Variants in ADCY8 observed in about 807,000 individuals in gnomAD.
The protein encoded by ADCY8 is adenylate cyclase type 8.
In ADCY8, 51 loss-of-function variants were observed where a neutral mutation model predicts 119.7. The observed-to-expected ratio is 0.43, with a 90% CI of 0.34 to 0.54. The LOEUF (loss-of-function observed/expected upper bound fraction) is 0.54, where lower values mean the gene tolerates loss of function less well. ADCY8 is among the 20% of genes least tolerant of loss of function. The pLI is 0.03. For synonymous variants in ADCY8, 665 were observed against 651.0 expected (o/e 1.02, Z -0.33); for missense variants, 1,383 against 1,598.8 (o/e 0.87, Z 2.30).
Position 130,919,319 on chromosome 8 carries a change from A to C in ADCY8, c.1482-9453T>G, listed in dbSNP as rs548371713. On this transcript the variant is annotated intron_variant, in intron 5 of 17. Transcript: ENST00000286355. ...CTCACACTCGCACACACACACACAC[A>C]CACCACACACATGATGTATGTTGTG... Among the ~76,000 whole-genome samples, 142 of 152,186 alleles carry C rather than the reference A, an allele frequency of 9.3e-4. 1 individual carries two copies. The highest frequency in any genetic ancestry group is 2.3e-3 in the Admixed American group (35 of 15,286).
At chr8:130,974,842 G>C (rs540351032) in intron 2 of ADCY8, among the ~76,000 whole-genome samples, 1 of 152,316 alleles carries the variant, frequency 6.6e-6, no homozygotes, top group South Asian at 2.1e-4. Flanking sequence ...GGCAACCACA[G>C]TTACGGAGAT....
intron 3 of ADCY8, 25 bp from the exon 4 acceptor site, chr8:130,943,487 GT>G: frequency 2.5e-6 from 2 of 791,088 alleles, no homozygotes; most frequent in Admixed American, 2.0e-5. Context: ...GAGGGTGGGG[GT>G]GGGGGGAGGA....
At chr8:130,891,975 C>T (rs890116789) in intron 7 of ADCY8, 2 of 151,982 alleles carry the variant, frequency 1.3e-5, no homozygotes, top group Non-Finnish European at 2.9e-5. Flanking sequence ...CTTACTTTTC[C>T]TTTTATTTTT....
intron 8 of ADCY8, among the ~76,000 whole-genome samples, chr8:130,870,662 A>G (rs904546184): frequency 6.6e-6 from 1 of 152,136 alleles, no homozygotes; most frequent in Non-Finnish European, 1.5e-5. Flanking sequence ...ATCCCTTCCT[A>G]TAGATCCCAA....
chr8:130,858,965 T>C (rs1817838800), intron 9 of ADCY8, among the ~76,000 whole-genome samples: 1 of 151,970 alleles, frequency 6.6e-6, no homozygotes, highest in African/African-American at 2.4e-5. Context: ...AGCACATTCT[T>C]ATTTTCTGGC....
At chr8:130,847,865 T>C (rs538166429) in intron 10 of ADCY8, among the ~76,000 whole-genome samples, 2 of 152,126 alleles carry the variant, frequency 1.3e-5, no homozygotes, top group Non-Finnish European at 2.9e-5. Flanking sequence ...GGTAAACTCA[T>C]AGCCTGTCTC....
chr8:130,785,953 G>T (rs937236188), intron 15 of ADCY8, among the ~76,000 whole-genome samples: 5 of 152,196 alleles, frequency 3.3e-5, no homozygotes, highest in African/African-American at 7.2e-5. Context: ...TGCACCTGTT[G>T]TTCTCTTGCT....
chr8:131,004,696 G>A (rs1411181), intron 1 of ADCY8, among the ~76,000 whole-genome samples: 3,305 of 152,230 alleles, frequency 0.022, 140 homozygotes, highest in African/African-American at 0.074. Flanking sequence ...AGGGTTATAC[G>A]TATGTGGACC....
chr8:130,919,513 T>A (rs1319571857), intron 5 of ADCY8, among the ~76,000 whole-genome samples: 1 of 152,178 alleles, frequency 6.6e-6, no homozygotes, highest in East Asian at 1.9e-4. Flanking sequence ...GGTGGGTAAA[T>A]GTTTAACAAC....
Position 130,814,110 on chromosome 8 carries a change from G to C in ADCY8, c.2872C>G (p.His958Asp). The C allele has an allele frequency of 6.2e-7, 1 of 1,614,148 alleles. No homozygotes were observed. The highest frequency in any genetic ancestry group is 8.5e-7 in the Non-Finnish European group (1 of 1,180,034). Residue 958 changes from histidine to aspartate, a missense_variant, in exon 14 of 18, where the codon CAT becomes GAT. This residue lies in a region of ADCY8 where 928 missense variants were observed against 1,163.5 expected (regional missense o/e 0.80). Transcript: ENST00000286355. ...TTCTCTAGGAAATGGCGGGCCACAT[G>C]GCTGGGTAAGATATTCCGGAGCATG... ...ENMLRNILPS[H>D]VARHFLEKDR...
intron 14 of ADCY8, among the ~76,000 whole-genome samples, chr8:130,806,215 T>C (rs1815952221): frequency 6.6e-6 from 1 of 152,212 alleles, no homozygotes. Flanking sequence ...GCTCTGCTTT[T>C]GCCCTTGGTG....
At chr8:130,973,422 G>A (rs553236982) in intron 2 of ADCY8, among the ~76,000 whole-genome samples, 1 of 152,322 alleles carries the variant, frequency 6.6e-6, no homozygotes, top group African/African-American at 2.4e-5. Flanking sequence ...ACAACTATAT[G>A]AATGTACCTG....
At chr8:130,865,889 C>T (rs1818101629) in intron 9 of ADCY8, among the ~76,000 whole-genome samples, 1 of 152,118 alleles carries the variant, frequency 6.6e-6, no homozygotes, top group African/African-American at 2.4e-5. Context: ...TCCAGCTCTT[C>T]ATGCCTTTCA....
At chr8:130,799,487 G>A (rs1332007293) in intron 15 of ADCY8, among the ~76,000 whole-genome samples, 2 of 152,216 alleles carry the variant, frequency 1.3e-5, no homozygotes, top group Non-Finnish European at 2.9e-5. Context: ...GAGTGATGTA[G>A]TAGTTGTTTT....
chr8:130,816,768 C>T (rs1816360757), intron 13 of ADCY8, among the ~76,000 whole-genome samples: 3 of 152,028 alleles, frequency 2.0e-5, no homozygotes, highest in Admixed American at 6.5e-5. Context: ...AACCATTTTA[C>T]ATTTTATAAA....
intron 5 of ADCY8, among the ~76,000 whole-genome samples, chr8:130,923,537 C>G (rs1002059250): frequency 2.6e-5 from 4 of 152,106 alleles, no homozygotes; most frequent in Non-Finnish European, 5.9e-5. Context: ...CTGAAAAGAC[C>G]AAGCTCTGCA....
At chr8:130,881,915 C>T (rs183677853) in intron 8 of ADCY8, among the ~76,000 whole-genome samples, 104 of 150,468 alleles carry the variant, frequency 6.9e-4, no homozygotes, top group Admixed American at 1.3e-3. Context: ...GATTCCATTT[C>T]GGAGTTTAAA....
At chr8:130,871,827 C>T (rs1379879302) in intron 8 of ADCY8, among the ~76,000 whole-genome samples, 4 of 152,080 alleles carry the variant, frequency 2.6e-5, no homozygotes, top group South Asian at 4.1e-4. Context: ...GAAAGATTAC[C>T]CACCACCGGG....
At chr8:130,904,162 C>A in intron 6 of ADCY8, 120 bp from the exon 7 acceptor site, 3 of 982,464 alleles carry the variant, frequency 3.1e-6, no homozygotes, top group Non-Finnish European at 4.5e-6. Flanking sequence ...GACATGTCCT[C>A]AGGGACAATA....
Sources: allele counts gnomAD v4.1 joint callset (sites outside exome capture counted in the v4.1 genomes callset), GRCh38; gene constraint gnomAD v4.1.1; regional missense constraint gnomAD v4.1.1; transcripts MANE v1.5; gene names NCBI Gene and HGNC (gene_info 2026-07-23, HGNC 2026-07-21).